FRMD4A: variants seen among roughly 807,000 people sequenced by gnomAD.
FRMD4A encodes the protein FERM domain containing 4A, also known as FERM domain-containing protein 4A.
In FRMD4A, 29 loss-of-function variants were observed where a neutral mutation model predicts 129.1. The ratio of observed to expected loss-of-function variants is 0.22; its 90% CI spans 0.17 to 0.31. FRMD4A has a LOEUF of 0.31. Among genes scored for constraint, FRMD4A ranks in the 10% least tolerant of loss-of-function variants. The probability of loss-of-function intolerance (pLI) is 1.00; values close to 1 mark genes in which losing one functional copy is unlikely to be tolerated. For missense variants in FRMD4A, 1,272 were observed against 1,375.8 expected, an observed-to-expected ratio of 0.92 and a Z score of 1.19; for synonymous variants, 634 against 571.6, an observed-to-expected ratio of 1.11 and a Z score of -1.56.
chr10:13,682,085 G>A (rs188349133), intron 15 of FRMD4A, among the ~76,000 whole-genome samples: 9 of 152,004 alleles, frequency 5.9e-5, no homozygotes, highest in Non-Finnish European at 8.8e-5. Context: ...TTAGTAAGGC[G>A]TGGTAGTGCA....
At chr10:14,036,664 A>T (rs1288833324) in intron 2 of FRMD4A, among the ~76,000 whole-genome samples, 1 of 152,154 alleles carries the variant, frequency 6.6e-6, no homozygotes, top group Admixed American at 6.5e-5. Context: ...CCCAGGCTGG[A>T]GCACAGTAGA....
At chr10:13,702,898 C>A (rs1298904854) in intron 13 of FRMD4A, among the ~76,000 whole-genome samples, 1 of 111,162 alleles carries the variant, frequency 9.0e-6, no homozygotes, top group Admixed American at 1.1e-4. Context: ...CCCTTCGGTT[C>A]CAACAAAAGT....
At chr10:13,797,340 G>A (rs529802667) in intron 4 of FRMD4A, among the ~76,000 whole-genome samples, 34 of 152,286 alleles carry the variant, frequency 2.2e-4, no homozygotes, top group African/African-American at 7.7e-4. Context: ...GTCTGAAAAC[G>A]TTAAACTTAC....
chr10:14,083,986 G>C (rs1413230435), intron 2 of FRMD4A, among the ~76,000 whole-genome samples: 1 of 152,192 alleles, frequency 6.6e-6, no homozygotes, highest in Non-Finnish European at 1.5e-5. Context: ...TATACCAAGA[G>C]GAAAATAGTA....
chr10:13,822,453 A>G (rs2093643677), intron 3 of FRMD4A, among the ~76,000 whole-genome samples: 2 of 152,224 alleles, frequency 1.3e-5, no homozygotes, highest in South Asian at 2.1e-4. Flanking sequence ...CATTTGATCG[A>G]CATTTGTGGA....
intron 2 of FRMD4A, among the ~76,000 whole-genome samples, chr10:14,219,308 C>G (rs1422512573): frequency 2.0e-5 from 3 of 152,158 alleles, no homozygotes; most frequent in African/African-American, 7.2e-5. Context: ...CCCATTCTGT[C>G]CCCTCTGCCC....
intron 3 of FRMD4A, among the ~76,000 whole-genome samples, chr10:13,850,860 T>C (rs901632949): frequency 1.3e-5 from 2 of 152,234 alleles, no homozygotes; most frequent in Non-Finnish European, 2.9e-5. Flanking sequence ...TCTGTTTGCT[T>C]GGCACCTACT....
At chr10:13,774,000 T>G (rs2092533351) in intron 6 of FRMD4A, among the ~76,000 whole-genome samples, 2 of 152,328 alleles carry the variant, frequency 1.3e-5, no homozygotes, top group South Asian at 4.1e-4. Flanking sequence ...GAGTTTCCCA[T>G]GGGACGGGAC....
At chr10:13,777,724 A>T (rs1307262485) in intron 6 of FRMD4A, among the ~76,000 whole-genome samples, 1 of 151,510 alleles carries the variant, frequency 6.6e-6, no homozygotes, top group Non-Finnish European at 1.5e-5. Context: ...AGCATTTGGG[A>T]CAAGACAGTA....
At chr10:13,916,819 T>C (rs1309896945) in intron 2 of FRMD4A, among the ~76,000 whole-genome samples, 1 of 152,166 alleles carries the variant, frequency 6.6e-6, no homozygotes, top group African/African-American at 2.4e-5. Flanking sequence ...TGTTTGCTTG[T>C]TTTTAGGAGA....
intron 6 of FRMD4A, among the ~76,000 whole-genome samples, chr10:13,782,416 G>T (rs1343970719): frequency 3.4e-5 from 5 of 145,812 alleles, no homozygotes; most frequent in African/African-American, 1.3e-4. Flanking sequence ...TGGATCAAAG[G>T]AATCACATTA....
rs932129841 is a variant in FRMD4A, at chr10:13,790,188, A to T, written c.299+6308T>A. Among the ~76,000 whole-genome samples, 130 of 152,244 alleles carry T rather than the reference A, an allele frequency of 8.5e-4. 1 individual carries two copies. The highest frequency in any genetic ancestry group is 1.7e-3 in the Non-Finnish European group (113 of 68,020). ...GCGGTGAGGTCAAGGTTGACTCCCAAGTCTCTGGTTTTGGGGGCTGCAGGG... is the reference window on the plus strand; with the variant it reads ...GCGGTGAGGTCAAGGTTGACTCCCATGTCTCTGGTTTTGGGGGCTGCAGGG... On this transcript the variant is annotated intron_variant, in intron 5 of 24. Coordinates refer to ENST00000357447, the MANE Select transcript of FRMD4A (RefSeq NM_018027.5).
At chr10:14,063,558 C>T (rs935245532) in intron 2 of FRMD4A, among the ~76,000 whole-genome samples, 8 of 28,552 alleles carry the variant, frequency 2.8e-4, no homozygotes, top group Admixed American at 1.6e-3. Context: ...TACCTTTTCT[C>T]ATTAAAAAAA....
At chr10:13,703,497 G>A (rs1368556636) in intron 13 of FRMD4A, among the ~76,000 whole-genome samples, 1 of 152,154 alleles carries the variant, frequency 6.6e-6, no homozygotes, top group African/African-American at 2.4e-5. Flanking sequence ...CCTCTGCCCT[G>A]AATCATTCCC....
At chr10:13,842,962 C>CA (rs2093990198) in intron 3 of FRMD4A, among the ~76,000 whole-genome samples, 1 of 152,050 alleles carries the variant, frequency 6.6e-6, no homozygotes, top group Admixed American at 6.5e-5. Flanking sequence ...TTGGCAAATA[C>CA]AAAAAAATGA....
chr10:13,693,639 T>C, intron 15 of FRMD4A: 1 of 659,972 alleles, frequency 1.5e-6, no homozygotes, highest in African/African-American at 1.8e-5. Context: ...TGAAGACACT[T>C]AAGTGTGACC....
In FRMD4A at chr10:14,185,635, A is replaced by G. The variant is rs143037327; in HGVS notation, c.45+144423T>C. Reference sequence around the variant, plus strand: ...GAAAGGGGATATATACTTCATGGTCAGAGAGCTGCAGGGGCGGTTGTTAGC... The same window carrying G: ...GAAAGGGGATATATACTTCATGGTCGGAGAGCTGCAGGGGCGGTTGTTAGC... On this transcript the variant is annotated intron_variant, in intron 2 of 24. Transcript: ENST00000357447. 1.5e-4 allele frequency among the ~76,000 whole-genome samples: 23 copies of G among 152,266 alleles called. 2 individuals carry two copies. The highest frequency in any genetic ancestry group is 3.9e-4 in the African/African-American group (16 of 41,488).
chr10:13,739,358 G>C (rs920921338), intron 11 of FRMD4A, among the ~76,000 whole-genome samples: 5 of 152,242 alleles, frequency 3.3e-5, no homozygotes, highest in Non-Finnish European at 7.3e-5. Flanking sequence ...TGCAACAGCA[G>C]ATTGACCAGA....
rs2094607558 is a variant in FRMD4A at position 13,885,398 on chromosome 10, T to C, written c.46-26486A>G. 2.0e-5 allele frequency among the ~76,000 whole-genome samples: 3 copies of C among 152,174 alleles called. No homozygotes were observed. The South Asian group carries it at 6.2e-4, about 32-fold the overall frequency. On this transcript the variant is annotated intron_variant, in intron 2 of 24. Coordinates refer to ENST00000357447, the MANE Select transcript of FRMD4A (RefSeq NM_018027.5). ...TTAGATGACCAAACCCAGGGCAAGA[T>C]GGCGCCATCCTCCCCTCTCTGTTTG...
Sources: gnomAD v4.1 joint callset for allele counts (sites outside exome capture counted in the v4.1 genomes callset) on GRCh38, gnomAD v4.1.1 for gene constraint, MANE v1.5 for transcripts, NCBI Gene and HGNC (gene_info 2026-07-23, HGNC 2026-07-21) for gene names.